Variants in TP63 observed in about 807,000 individuals in gnomAD.
TP63 encodes tumor protein 63.
TP63 carries 17 observed loss-of-function variants against 82.8 expected under a neutral mutation model. That is an observed-to-expected ratio of 0.21 (90% CI 0.14 to 0.31). TP63 has a LOEUF of 0.31. TP63 is among the 10% of genes least tolerant of loss of function. The pLI, the probability that TP63 is intolerant of heterozygous loss-of-function variation, is 1.00. For synonymous variants in TP63, 330 were observed against 321.7 expected, an observed-to-expected ratio of 1.03 and a Z score of -0.28; for missense variants, 648 against 895.3, an observed-to-expected ratio of 0.72 and a Z score of 3.52.
intron 10 of TP63, among the ~76,000 whole-genome samples, chr3:189,885,348 G>A (rs1041522268): frequency 7.9e-5 from 12 of 152,176 alleles, no homozygotes; most frequent in African/African-American, 2.9e-4. Flanking sequence ...TACTCTATGA[G>A]TGTCTCAAAG....
At chr3:189,738,868 G>C in intron 3 of TP63, 94 bp downstream of exon 3, 2 of 1,542,336 alleles carry the variant, frequency 1.3e-6, no homozygotes, top group South Asian at 2.4e-5. Flanking sequence ...AAGGCAGGTG[G>C]CTCTGAATGG....
At chr3:189,666,690 A>G (rs1714418192) in intron 1 of TP63, among the ~76,000 whole-genome samples, 3 of 152,146 alleles carry the variant, frequency 2.0e-5, no homozygotes, top group Admixed American at 6.6e-5. Context: ...GTGAGGTGTC[A>G]AAAATCTGAA....
chr3:189,635,272 A>G (rs545808771), intron 1 of TP63, among the ~76,000 whole-genome samples: 1 of 152,240 alleles, frequency 6.6e-6, no homozygotes, highest in South Asian at 2.1e-4. Context: ...CGTAAAGGTC[A>G]ACTTTATTAG....
At chr3:189,863,637 C>CT (rs1255095626) in intron 4 of TP63, among the ~76,000 whole-genome samples, 1 of 152,172 alleles carries the variant, frequency 6.6e-6, no homozygotes, top group Admixed American at 6.5e-5. Context: ...TTCTCCTAGT[C>CT]TTTGACATCA....
chr3:189,726,188 G>A (rs545506279), intron 1 of TP63, among the ~76,000 whole-genome samples: 11 of 152,188 alleles, frequency 7.2e-5, no homozygotes, highest in South Asian at 4.2e-4. Flanking sequence ...AACGTCACTC[G>A]GTCTTACTCT....
chr3:189,794,720 G>A (rs539583388), intron 3 of TP63, among the ~76,000 whole-genome samples: 5 of 152,094 alleles, frequency 3.3e-5, no homozygotes, highest in East Asian at 1.9e-4. Context: ...GAAGGATTTC[G>A]AACAGAAGAA....
At chr3:189,656,925 T>C (rs1416775720) in intron 1 of TP63, among the ~76,000 whole-genome samples, 1 of 91,486 alleles carries the variant, frequency 1.1e-5, no homozygotes, top group Non-Finnish European at 2.5e-5. Flanking sequence ...GCAACCAAGA[T>C]GTTCTTCAAC....
intron 1 of TP63, among the ~76,000 whole-genome samples, chr3:189,697,716 G>T (rs1169228180): frequency 6.6e-6 from 1 of 151,866 alleles, no homozygotes; most frequent in Non-Finnish European, 1.5e-5. Context: ...TTTAGATCTT[G>T]CTTGAATTTT....
At chr3:189,846,985 A>G (rs73199758) in intron 4 of TP63, among the ~76,000 whole-genome samples, 21,160 of 151,926 alleles carry the variant, frequency 0.14, 1,791 homozygotes, top group African/African-American at 0.23. Flanking sequence ...TTGGCCTTCC[A>G]CATTCTTTAT....
At chr3:189,881,052 A>T (rs923476433) in intron 10 of TP63, 1 of 985,272 alleles carries the variant, frequency 1.0e-6, no homozygotes, top group Non-Finnish European at 1.2e-6. Context: ...CAAAGCTCAA[A>T]ATAGAATTTG....
intron 4 of TP63, among the ~76,000 whole-genome samples, chr3:189,819,541 G>A (rs1360329570): frequency 1.3e-5 from 2 of 151,696 alleles, no homozygotes; most frequent in East Asian, 1.9e-4. Flanking sequence ...GAGAACATGC[G>A]GTGTTTACAC....
chr3:189,672,670 A>AAGGAAGGG (rs1715016226), intron 1 of TP63, among the ~76,000 whole-genome samples: 1 of 62,674 alleles, frequency 1.6e-5, no homozygotes, highest in Non-Finnish European at 4.1e-5. Context: ...GGAAAGAAGG[A>AAGGAAGGG]AGGAAGGAAG....
chr3:189,657,582 A>G lies in TP63; in HGVS notation c.62+26005A>G, dbSNP rs73056137. ...CAATTTAACAATATTGCAACAACAA[A>G]TGTATACTGGAATTGAACAATTAAA... On this transcript the variant is annotated intron_variant, in intron 1 of 13. Transcript: ENST00000264731. 7.4e-3 allele frequency among the ~76,000 whole-genome samples: 1,131 copies of G among 152,250 alleles called. 14 individuals are homozygous for G. The highest frequency in any genetic ancestry group is 0.025 in the African/African-American group (1,052 of 41,562).
intron 1 of TP63, among the ~76,000 whole-genome samples, chr3:189,701,353 A>G (rs1717784942): frequency 6.6e-6 from 1 of 151,984 alleles, no homozygotes; most frequent in South Asian, 2.1e-4. Context: ...CAGTAAATGA[A>G]GGAGTGAGTC....
At chr3:189,630,684 A>G (rs1043027783), upstream of TP63, among the ~76,000 whole-genome samples, 23 of 152,136 alleles carry the variant, frequency 1.5e-4, no homozygotes, top group African/African-American at 5.1e-4. Flanking sequence ...ACTATATTAT[A>G]TGTAAGTACA....
rs141228730 is a variant in TP63 at position 189,864,479 on chromosome 3, T to C, written c.766+61T>C. 171 of 1,549,508 alleles carry C rather than the reference T, an allele frequency of 1.1e-4. No homozygotes were observed. The Middle Eastern group carries it at 1.8e-3, about 16-fold the overall frequency. ...CTTGAAGGTCAAGATTCTGTGGGCA[T>C]TTTTGTTTGAGACCCACCTACCTGA... On this transcript the variant is annotated intron_variant, in intron 5 of 13. Coordinates refer to ENST00000264731, the MANE Select transcript of TP63 (RefSeq NM_003722.5).
At chr3:189,835,378 CTG>C (rs1273948256) in intron 4 of TP63, among the ~76,000 whole-genome samples, 12 of 152,138 alleles carry the variant, frequency 7.9e-5, no homozygotes, top group Non-Finnish European at 1.8e-4. Context: ...CTGGGAATAA[CTG>C]TATCGTTTTT....
At chr3:189,760,495 C>G (rs570111286) in intron 3 of TP63, among the ~76,000 whole-genome samples, 7 of 152,240 alleles carry the variant, frequency 4.6e-5, no homozygotes, top group Non-Finnish European at 8.8e-5. Context: ...GACTGCATCT[C>G]TCACATCCAG....
Position 189,720,571 on chromosome 3 carries a change from C to T in TP63, c.63-17169C>T, listed in dbSNP as rs577066901. 3.3e-4 allele frequency among the ~76,000 whole-genome samples: 50 copies of T among 151,750 alleles called. 1 individual carries two copies. The highest frequency in any genetic ancestry group is 5.6e-4 in the Non-Finnish European group (38 of 67,898). On this transcript the variant is annotated intron_variant, in intron 1 of 13. Transcript: ENST00000264731. ...TCAACATGGAGAAACCCCGTCTCTA[C>T]GAAAAATACAAAATTAGCCGGGCGT...
Sources: allele counts gnomAD v4.1 joint callset (sites outside exome capture counted in the v4.1 genomes callset), GRCh38; gene constraint gnomAD v4.1.1; transcripts MANE v1.5; gene names NCBI Gene and HGNC (gene_info 2026-07-23, HGNC 2026-07-21).